Variants in ZNF362 observed in about 807,000 individuals in gnomAD.
The protein encoded by ZNF362 is rotund homolog.
Under a neutral mutation model 42.9 loss-of-function variants are expected in ZNF362, and 11 were observed. That is an observed-to-expected ratio of 0.26 (90% CI 0.16 to 0.42). The LOEUF (loss-of-function observed/expected upper bound fraction) is 0.42, where lower values mean the gene tolerates loss of function less well. Among genes scored for constraint, ZNF362 ranks in the 20% least tolerant of loss-of-function variants. The pLI, the probability that ZNF362 is intolerant of heterozygous loss-of-function variation, is 1.00. For missense variants in ZNF362, 362 were observed against 576.2 expected (o/e 0.63, Z 3.81); for synonymous variants, 255 against 257.3 (o/e 0.99, Z 0.09).
At chr1:33,248,788 G>C in the ZNF362 span, among the ~76,000 whole-genome samples, 4 of 152,166 alleles carry the variant, frequency 2.6e-5, no homozygotes, top group Non-Finnish European at 5.9e-5. Flanking sequence ...TTGTATCATA[G>C]CAATGCAAAG....
At chr1:33,202,361 C>T in the ZNF362 span, among the ~76,000 whole-genome samples, 1,212 of 152,120 alleles carry the variant, frequency 8.0e-3, 17 homozygotes, top group African/African-American at 0.028. Flanking sequence ...CTTTGGGAGG[C>T]GAGGGCGGGC....
At chr1:33,141,073 A>G in the ZNF362 span, among the ~76,000 whole-genome samples, 7 of 152,050 alleles carry the variant, frequency 4.6e-5, no homozygotes, top group African/African-American at 1.7e-4. Context: ...CAGGGCTGAG[A>G]TCAGGGGTCT....
chr1:33,151,020 G>A, the ZNF362 span, among the ~76,000 whole-genome samples: 2 of 152,098 alleles, frequency 1.3e-5, no homozygotes, highest in African/African-American at 2.4e-5. Context: ...GTGCGGGGCG[G>A]GGGGTACCCT....
At chr1:33,176,723 G>C in the ZNF362 span, among the ~76,000 whole-genome samples, 1 of 152,230 alleles carries the variant, frequency 6.6e-6, no homozygotes, top group Non-Finnish European at 1.5e-5. Context: ...ATGTGGCCTA[G>C]TCAGACTGGC....
At chr1:33,193,047 G>T in the ZNF362 span, among the ~76,000 whole-genome samples, 1 of 146,926 alleles carries the variant, frequency 6.8e-6, no homozygotes, top group Non-Finnish European at 1.5e-5. Flanking sequence ...AGGTTCCAGG[G>T]TTTACTTTCA....
the ZNF362 span, among the ~76,000 whole-genome samples, chr1:33,148,683 TAC>T: frequency 1.3e-5 from 2 of 152,222 alleles, no homozygotes; most frequent in African/African-American, 4.8e-5. Flanking sequence ...TATGTACATA[TAC>T]ACACACAACA....
At chr1:33,191,399 A>G in the ZNF362 span, among the ~76,000 whole-genome samples, 3 of 152,100 alleles carry the variant, frequency 2.0e-5, no homozygotes, top group South Asian at 4.2e-4. Context: ...CCTTCTTCCT[A>G]TGTTCCTTCC....
chr1:33,258,706 GC>G (rs1414456372), intron 1 of ZNF362, among the ~76,000 whole-genome samples: 2 of 152,158 alleles, frequency 1.3e-5, no homozygotes, highest in Non-Finnish European at 2.9e-5. Flanking sequence ...GAATGGGACA[GC>G]ACGATCCCTT....
In ZNF362 at chr1:33,281,528, T is replaced by A; in HGVS notation, c.684-59T>A. On this transcript the variant is annotated intron_variant, in intron 5 of 8. Coordinates refer to ENST00000539719, the MANE Select transcript of ZNF362 (RefSeq NM_152493.3). The surrounding 1 kb of genome is among the most constrained non-coding windows in gnomAD (Gnocchi z 4.8). ...CAAGGTCTCTCTGATGTAGAAGGCC[T>A]CCCCTGAGATGGACAGTCTGGGGGA... 1 of 1,552,030 alleles carries A rather than the reference T, an allele frequency of 6.4e-7. No individual in the cohort carries two copies. The highest frequency in any genetic ancestry group is 2.2e-5 in the East Asian group (1 of 44,500).
the ZNF362 span, among the ~76,000 whole-genome samples, chr1:33,204,782 G>A: frequency 6.6e-6 from 1 of 152,170 alleles, no homozygotes; most frequent in African/African-American, 2.4e-5. Flanking sequence ...AGGGGTTCTT[G>A]CCAGTCCCAT....
At chr1:33,191,926 G>T in the ZNF362 span, among the ~76,000 whole-genome samples, 4 of 152,202 alleles carry the variant, frequency 2.6e-5, no homozygotes, top group Non-Finnish European at 4.4e-5. Context: ...GTATCATCTT[G>T]CAAGGCATCT....
intron 1 of ZNF362, among the ~76,000 whole-genome samples, chr1:33,257,092 C>CT (rs1243914232): frequency 1.3e-5 from 2 of 152,118 alleles, no homozygotes; most frequent in African/African-American, 4.8e-5. Flanking sequence ...GGATTTCTCC[C>CT]TTTTTTTGCA....
the ZNF362 span, among the ~76,000 whole-genome samples, chr1:33,193,004 C>CACACACACATATATATATATATAT: frequency 7.3e-5 from 10 of 137,290 alleles, no homozygotes; most frequent in East Asian, 6.7e-4. Context: ...CACACACACA[C>CACACACACATATATATATATATAT]ATATATATAT....
At chr1:33,165,580 A>G in the ZNF362 span, 1 of 1,597,686 alleles carries the variant, frequency 6.3e-7, no homozygotes, top group Non-Finnish European at 8.5e-7. This position sits in a 1 kb window ranked among gnomAD's most constrained non-coding sequence, Gnocchi z 4.0. Flanking sequence ...AAACACACAC[A>G]GGGCCGGGAT....
chr1:33,129,580 C>T, the ZNF362 span, among the ~76,000 whole-genome samples: 1 of 152,186 alleles, frequency 6.6e-6, no homozygotes, highest in Non-Finnish European at 1.5e-5. The surrounding 1 kb of genome is among the most constrained non-coding windows in gnomAD (Gnocchi z 4.1). Context: ...ATATAGTCTT[C>T]CCCCACAATC....
the ZNF362 span, among the ~76,000 whole-genome samples, chr1:33,169,778 C>T: frequency 3.2e-3 from 488 of 152,316 alleles, 19 homozygotes; most frequent in East Asian, 0.084. Context: ...AAGTGCTTGC[C>T]AGCCACCTGG....
intron 6 of ZNF362, among the ~76,000 whole-genome samples, chr1:33,287,123 TAA>T (rs544574550): frequency 2.4e-4 from 37 of 152,362 alleles, no homozygotes; most frequent in African/African-American, 8.4e-4. Context: ...CTCTACATAA[TAA>T]ACACCACATG....
intron 1 of ZNF362, among the ~76,000 whole-genome samples, chr1:33,264,977 A>C (rs1161196760): frequency 2.0e-5 from 3 of 151,984 alleles, no homozygotes; most frequent in African/African-American, 7.3e-5. Flanking sequence ...ATTTCAAAAC[A>C]CTCACAGCAT....
the ZNF362 span, among the ~76,000 whole-genome samples, chr1:33,250,596 G>C: frequency 7.9e-4 from 120 of 152,224 alleles, no homozygotes; most frequent in African/African-American, 2.8e-3. Flanking sequence ...TGGGGAGCAG[G>C]GGGAGGGAGA....
Sources: gnomAD v4.1 joint callset for allele counts (sites outside exome capture counted in the v4.1 genomes callset) on GRCh38, gnomAD v4.1.1 for gene constraint, Gnocchi (gnomAD v3.1) non-coding constraint, MANE v1.5 for transcripts, NCBI Gene and HGNC (gene_info 2026-07-23, HGNC 2026-07-21) for gene names.